Variants in CHN2 observed in about 807,000 individuals in gnomAD.
CHN2 encodes chimerin 2.
In CHN2, 35 loss-of-function variants were observed where a neutral mutation model predicts 56.3. That is an observed-to-expected ratio of 0.62 (90% confidence interval 0.47 to 0.82). The LOEUF (loss-of-function observed/expected upper bound fraction) is 0.82. Ranked by LOEUF, CHN2 falls within the 40% of genes least tolerant of loss-of-function variation. The pLI is 0.00. For missense variants in CHN2, 491 were observed against 580.5 expected (o/e 0.85, Z 1.58); for synonymous variants, 210 against 212.8 (o/e 0.99, Z 0.12).
In CHN2 at chr7:29,262,786, C is replaced by T. The variant is rs567438872; in HGVS notation, c.49+67796C>T. 3.3e-5 allele frequency among the ~76,000 whole-genome samples: 5 copies of T among 151,852 alleles called. No homozygotes were observed. The East Asian group carries it at 9.7e-4, about 29-fold the overall frequency. On this transcript the variant is annotated intron_variant, in intron 1 of 12. Transcript: ENST00000222792. ...CTTGAAAATGGTGAAGATGGGGGTG[C>T]AGGGGGAGGGAGGGCATCAGGAAAA...
Position 29,500,000 on chromosome 7 carries a change from C to G in CHN2, c.873C>G (p.Pro291=). The part of the protein sequence containing the change: ...TLVKAHNTQR[P]MVVDICIREI... ...TGAAGGCTCACAACACTCAGAGACC[C>G]ATGGTGGTAGACATATGCATTCGGG... is the stretch of plus-strand genomic sequence containing the variant. The change falls in exon 9 of 13, where the codon CCC becomes CCG. Residue 291 remains proline (P), a synonymous_variant. Transcript: ENST00000222792. The G allele has an allele frequency of 6.3e-7, 1 of 1,594,740 alleles. No individual in the cohort carries two copies. The highest frequency in any genetic ancestry group is 8.5e-7 in the Non-Finnish European group (1 of 1,170,558).
At position 29,237,798 on chromosome 7, in the gene CHN2, G is replaced by A. The variant is rs1787314384; in HGVS notation, c.49+42808G>A. On this transcript the variant is annotated intron_variant, in intron 1 of 12. Coordinates refer to ENST00000222792, the MANE Select transcript of CHN2 (RefSeq NM_004067.4). ...ATAGGAGACCAGTGGACAAAGGAGG[G>A]GTTGAATAATGCTTGCAGAGTGGAC... 2.0e-5 allele frequency among the ~76,000 whole-genome samples: 3 copies of A among 152,050 alleles called. No homozygotes were observed. The South Asian group carries it at 6.2e-4, about 32-fold the overall frequency.
At chr7:29,442,357 C>T (rs1783709023) in intron 6 of CHN2, among the ~76,000 whole-genome samples, 1 of 152,158 alleles carries the variant, frequency 6.6e-6, no homozygotes. Context: ...GGAGGGTAGA[C>T]ACGTGCCAAC....
chr7:29,197,211 T>C (rs1783807735), intron 1 of CHN2, among the ~76,000 whole-genome samples: 1 of 152,156 alleles, frequency 6.6e-6, no homozygotes, highest in Non-Finnish European at 1.5e-5. Flanking sequence ...AATGTATTAA[T>C]CACTATTTTC....
chr7:29,406,167 T>A (rs976149288), intron 6 of CHN2, among the ~76,000 whole-genome samples: 3 of 152,192 alleles, frequency 2.0e-5, no homozygotes, highest in African/African-American at 7.2e-5. Context: ...ATTTGCAGCC[T>A]GTTTAAGCCT....
At chr7:29,241,955 A>G (rs1413469541) in intron 1 of CHN2, among the ~76,000 whole-genome samples, 2 of 152,212 alleles carry the variant, frequency 1.3e-5, no homozygotes, top group African/African-American at 4.8e-5. Flanking sequence ...TTAATTACCT[A>G]GAGATCTCAT....
At chr7:29,368,751 GT>G (rs1799375904) in intron 3 of CHN2, among the ~76,000 whole-genome samples, 2 of 152,108 alleles carry the variant, frequency 1.3e-5, no homozygotes, top group African/African-American at 4.8e-5. Flanking sequence ...TTTGGATCTG[GT>G]TTTGAACCTG....
intron 9 of CHN2, among the ~76,000 whole-genome samples, chr7:29,501,791 T>A (rs1562666927): frequency 6.6e-6 from 1 of 152,148 alleles, no homozygotes. Flanking sequence ...CTTCCATCCA[T>A]AAAAAATCCT....
chr7:29,153,322 G>A (rs1044360780), intron 2 of CHN2, among the ~76,000 whole-genome samples: 2 of 152,082 alleles, frequency 1.3e-5, no homozygotes, highest in South Asian at 2.1e-4. Flanking sequence ...ACCCTTGAAC[G>A]CATGTGTTTC....
chr7:29,294,126 A>T (rs1792927576), intron 1 of CHN2, among the ~76,000 whole-genome samples: 1 of 152,028 alleles, frequency 6.6e-6, no homozygotes, highest in Non-Finnish European at 1.5e-5. Flanking sequence ...TCGGCCTCCC[A>T]AAGTGCTGGG....
At chr7:29,273,359 A>ATATATATATATGTG (rs1562881925) in intron 1 of CHN2, among the ~76,000 whole-genome samples, 3 of 77,534 alleles carry the variant, frequency 3.9e-5, no homozygotes, top group African/African-American at 5.4e-5. Context: ...ATATATATAT[A>ATATATATATATGTG]TATATATATA....
At chr7:29,479,441 G>A (rs965299652) in intron 6 of CHN2, among the ~76,000 whole-genome samples, 1 of 152,214 alleles carries the variant, frequency 6.6e-6, no homozygotes, top group African/African-American at 2.4e-5. Context: ...AGAACTCAGA[G>A]TGGAAAAGCT....
chr7:29,297,774 A>T (rs1793305745), intron 1 of CHN2, among the ~76,000 whole-genome samples: 1 of 152,042 alleles, frequency 6.6e-6, no homozygotes, highest in Non-Finnish European at 1.5e-5. Flanking sequence ...CCCAGTTTGG[A>T]GGATGCACCC....
chr7:29,336,951 T>C (rs1009276076), intron 1 of CHN2, among the ~76,000 whole-genome samples: 4 of 152,030 alleles, frequency 2.6e-5, no homozygotes, highest in Admixed American at 2.6e-4. Flanking sequence ...AGGTCTTCCT[T>C]GTTAGCTTCC....
intron 2 of CHN2, chr7:29,147,108 G>C (rs1310068521): frequency 1.6e-5 from 17 of 1,080,892 alleles, no homozygotes; most frequent in Non-Finnish European, 2.2e-5. Flanking sequence ...AACCCATCCA[G>C]GGTCACATTG....
intron 1 of CHN2, among the ~76,000 whole-genome samples, chr7:29,311,397 C>T (rs1396220359): frequency 6.6e-6 from 1 of 152,238 alleles, no homozygotes; most frequent in East Asian, 1.9e-4. Context: ...TCTCACAGAA[C>T]CTTTTAATCT....
At chr7:29,325,080 C>T (rs1795699848) in intron 1 of CHN2, among the ~76,000 whole-genome samples, 1 of 152,006 alleles carries the variant, frequency 6.6e-6, no homozygotes, top group Non-Finnish European at 1.5e-5. Context: ...TTTTTGACTC[C>T]CTTTACAGTC....
intron 1 of CHN2, among the ~76,000 whole-genome samples, chr7:29,243,137 C>T (rs577461191): frequency 9.5e-4 from 144 of 152,068 alleles, no homozygotes; most frequent in Non-Finnish European, 1.6e-3. Context: ...GATGTAAATA[C>T]GGCATGGGGA....
chr7:29,361,378 A>G (rs1363604359), intron 2 of CHN2, among the ~76,000 whole-genome samples: 4 of 152,054 alleles, frequency 2.6e-5, no homozygotes, highest in Non-Finnish European at 4.4e-5. Context: ...TTGTCATCTC[A>G]TTATCTTTAT....
Sources: allele counts gnomAD v4.1 joint callset (sites outside exome capture counted in the v4.1 genomes callset), GRCh38; gene constraint gnomAD v4.1.1; transcripts MANE v1.5; gene names NCBI Gene and HGNC (gene_info 2026-07-23, HGNC 2026-07-21).